The following DKK2 variants were observed in gnomAD, a reference collection of about 807,000 sequenced individuals.
DKK2 encodes the protein dickkopf-related protein 2.
A neutral mutation model predicts 28.1 loss-of-function variants in DKK2; 11 were observed. The observed-to-expected ratio is 0.39, with a 90% CI of 0.25 to 0.65. The LOEUF (loss-of-function observed/expected upper bound fraction) is 0.65. Among genes scored for constraint, DKK2 ranks in the 30% least tolerant of loss-of-function variants. The pLI is 0.47. For missense variants in DKK2, 326 were observed against 335.5 expected, an observed-to-expected ratio of 0.97 and a Z score of 0.22; for synonymous variants, 135 against 126.5, an observed-to-expected ratio of 1.07 and a Z score of -0.45.
chr4:106,986,860 A>G (rs1044138064), intron 1 of DKK2, among the ~76,000 whole-genome samples: 1 of 152,198 alleles, frequency 6.6e-6, no homozygotes, highest in African/African-American at 2.4e-5. Context: ...CTCTCCCCCT[A>G]TTGTTCCCAG....
chr4:106,958,285 G>C (rs1722632302), intron 1 of DKK2, among the ~76,000 whole-genome samples: 2 of 151,684 alleles, frequency 1.3e-5, no homozygotes, highest in South Asian at 4.2e-4. Context: ...GTCAAAACTA[G>C]ATGCAAACCC....
intron 1 of DKK2, among the ~76,000 whole-genome samples, chr4:106,974,785 A>G (rs1044450597): frequency 1.3e-5 from 2 of 152,184 alleles, no homozygotes; most frequent in African/African-American, 4.8e-5. Flanking sequence ...TATGTTGACT[A>G]GGAGTGGTGA....
chr4:106,953,679 T>C (rs1722536616), intron 1 of DKK2, among the ~76,000 whole-genome samples: 1 of 152,196 alleles, frequency 6.6e-6, no homozygotes, highest in Admixed American at 6.5e-5. Context: ...TTTGAGACAA[T>C]CTGTGGGATT....
At chr4:107,009,950 T>C (rs943769540) in intron 1 of DKK2, among the ~76,000 whole-genome samples, 3 of 151,888 alleles carry the variant, frequency 2.0e-5, no homozygotes, top group African/African-American at 7.2e-5. Context: ...CCCAGGTGAC[T>C]GTGCCTCAAT....
rs1560577674 is a variant in DKK2, at chr4:106,947,640, TA to T, written c.223-21692del. On this transcript the variant is annotated intron_variant, in intron 1 of 3. Coordinates refer to ENST00000285311, the MANE Select transcript of DKK2 (RefSeq NM_014421.3). ...TAAGGAAAGTGAGTTGGGTAGGCTTTAAAAAAATTGATTAATTATCTTTTTT... is the reference window on the plus strand; with the variant it reads ...TAAGGAAAGTGAGTTGGGTAGGCTTTAAAAAATTGATTAATTATCTTTTTT... Among the ~76,000 whole-genome samples the T allele has an allele frequency of 1.3e-5, 2 of 151,812 alleles. 1 individual carries two copies. The highest frequency in any genetic ancestry group is 4.2e-4 in the South Asian group (2 of 4,818).
At chr4:107,033,685 T>C (rs1723911640) in intron 1 of DKK2, among the ~76,000 whole-genome samples, 2 of 152,180 alleles carry the variant, frequency 1.3e-5, no homozygotes, top group African/African-American at 4.8e-5. Context: ...CTTCCCTGTG[T>C]CCTTGGGGGA....
Position 106,923,887 on chromosome 4 carries a change from C to T in DKK2, c.*67G>A. 6.4e-7 allele frequency: 1 copy of T among 1,574,528 alleles called. No homozygotes were observed. Among genetic ancestry groups the T allele is most frequent in the South Asian group, 1.2e-5 (1 of 86,480 alleles). On this transcript the variant is annotated 3_prime_UTR_variant, in exon 4 of 4. Coordinates refer to ENST00000285311, the MANE Select transcript of DKK2 (RefSeq NM_014421.3). ...TCTTCTGCATCTGAACCTTATTTTC[C>T]ACCATGCTATAATGCATTAAATACA...
At chr4:106,971,543 A>G (rs141833440) in intron 1 of DKK2, among the ~76,000 whole-genome samples, 1 of 152,168 alleles carries the variant, frequency 6.6e-6, no homozygotes, top group East Asian at 1.9e-4. Context: ...ATGCTAAGTG[A>G]TGCTTTAAAG....
chr4:106,932,675 G>T (rs1033726447), intron 1 of DKK2, among the ~76,000 whole-genome samples: 1 of 152,072 alleles, frequency 6.6e-6, no homozygotes, highest in African/African-American at 2.4e-5. Context: ...TTACAGCAGT[G>T]GTTGGGAGTA....
intron 1 of DKK2, among the ~76,000 whole-genome samples, chr4:106,972,874 T>C (rs1422369187): frequency 6.6e-6 from 1 of 152,180 alleles, no homozygotes; most frequent in Non-Finnish European, 1.5e-5. Context: ...TTTCTCCTAA[T>C]GCTATTCCTC....
intron 1 of DKK2, among the ~76,000 whole-genome samples, chr4:106,931,273 G>C (rs1170694617): frequency 2.0e-5 from 3 of 152,016 alleles, no homozygotes; most frequent in African/African-American, 7.2e-5. Flanking sequence ...TGCATGTGTA[G>C]TTACAGGTTC....
intron 1 of DKK2, among the ~76,000 whole-genome samples, chr4:106,959,986 T>C (rs1192326073): frequency 6.6e-6 from 1 of 152,034 alleles, no homozygotes; most frequent in Non-Finnish European, 1.5e-5. Flanking sequence ...ACTTTGATGT[T>C]TAATATCCAT....
At chr4:106,953,224 T>G (rs899023668) in intron 1 of DKK2, among the ~76,000 whole-genome samples, 1 of 152,160 alleles carries the variant, frequency 6.6e-6, no homozygotes, top group African/African-American at 2.4e-5. Context: ...TAGTTTAAGA[T>G]TTGAGATGTT....
At chr4:106,930,939 AT>A (rs1368112576) in intron 1 of DKK2, among the ~76,000 whole-genome samples, 1 of 152,160 alleles carries the variant, frequency 6.6e-6, no homozygotes, top group Non-Finnish European at 1.5e-5. Flanking sequence ...TAGAGAAAAG[AT>A]TAATTTTCCT....
At chr4:106,926,168 G>A (rs987592867) in intron 1 of DKK2, among the ~76,000 whole-genome samples, 4 of 152,000 alleles carry the variant, frequency 2.6e-5, no homozygotes, top group African/African-American at 7.3e-5. Flanking sequence ...TAAAGCTGAC[G>A]CTGTTTGTAT....
chr4:107,009,153 C>T lies in DKK2; in HGVS notation c.222+26217G>A, dbSNP rs1723480505. Among the ~76,000 whole-genome samples the T allele has an allele frequency of 4.6e-5, 7 of 151,740 alleles. No homozygotes were observed. The South Asian group carries it at 1.5e-3, about 31-fold the overall frequency. On this transcript the variant is annotated intron_variant, in intron 1 of 3. Transcript: ENST00000285311. Reference sequence around the variant, plus strand: ...TTAACATACAGGCATTATAGATTACCTACTAAAGGATCAGTTCAAAGGTAG... The same window carrying T: ...TTAACATACAGGCATTATAGATTACTTACTAAAGGATCAGTTCAAAGGTAG...
chr4:106,932,689 T>G (rs1484236968), intron 1 of DKK2, among the ~76,000 whole-genome samples: 1 of 152,202 alleles, frequency 6.6e-6, no homozygotes, highest in Non-Finnish European at 1.5e-5. Context: ...GGGAGTAATA[T>G]ATAATTATAA....
Position 106,924,633 on chromosome 4 carries a change from G to C in DKK2, c.441C>G (p.His147Gln). 6.2e-7 allele frequency: 1 copy of C among 1,613,910 alleles called. No homozygotes were observed. Among genetic ancestry groups the C allele is most frequent in the Non-Finnish European group, 8.5e-7 (1 of 1,179,900 alleles). Reference sequence around the variant, plus strand: ...AGTAATGACCGTGGTTTCGATCTCTGTGCCGAGTACCATCCAGAGCCGGGA... The same window carrying C: ...AGTAATGACCGTGGTTTCGATCTCTCTGCCGAGTACCATCCAGAGCCGGGA... ...PHIPALDGTR[H>Q]RDRNHGHYSN... The change falls in exon 3 of 4, where the codon CAC becomes CAG. Residue 147 changes from histidine (H) to glutamine (Q), a missense_variant. Transcript: ENST00000285311.
intron 1 of DKK2, among the ~76,000 whole-genome samples, chr4:107,032,149 A>C (rs1168132768): frequency 1.3e-5 from 2 of 152,042 alleles, no homozygotes; most frequent in Non-Finnish European, 2.9e-5. Flanking sequence ...GAAAAGGCAA[A>C]TTAAAACATT....
Sources: allele counts gnomAD v4.1 joint callset (sites outside exome capture counted in the v4.1 genomes callset), GRCh38; gene constraint gnomAD v4.1.1; transcripts MANE v1.5; gene names NCBI Gene and HGNC (gene_info 2026-07-23, HGNC 2026-07-21).